The following PPP2R2B variants were observed in gnomAD, a reference collection of about 807,000 sequenced individuals.
The protein encoded by PPP2R2B is protein phosphatase 2 regulatory subunit Bbeta.
Under a neutral mutation model 46.0 loss-of-function variants are expected in PPP2R2B, and 5 were observed. The ratio of observed to expected loss-of-function variants is 0.11; its 90% CI spans 0.06 to 0.23. PPP2R2B has a LOEUF of 0.23. Among genes scored for constraint, PPP2R2B ranks in the 10% least tolerant of loss-of-function variants. The pLI is 1.00. For missense variants in PPP2R2B, 367 were observed against 575.0 expected (o/e 0.64, Z 3.70); for synonymous variants, 215 against 206.7 (o/e 1.04, Z -0.34).
intron 1 of PPP2R2B, among the ~76,000 whole-genome samples, chr5:147,023,285 G>A (rs1482309143): frequency 6.6e-6 from 1 of 152,078 alleles, no homozygotes; most frequent in Non-Finnish European, 1.5e-5. Context: ...GGTATAGCAA[G>A]GAATTCAGTA....
chr5:146,923,427 T>A lies in PPP2R2B; in HGVS notation c.79+132238A>T, dbSNP rs1018310315. 2.6e-5 allele frequency among the ~76,000 whole-genome samples: 4 copies of A among 152,186 alleles called. No individual in the cohort carries two copies. The South Asian group carries it at 8.3e-4, about 32-fold the overall frequency. On this transcript the variant is annotated intron_variant, in intron 1 of 8. Coordinates refer to the PPP2R2B transcript ENST00000336640. ...TTGACACGAGTGAACTGTGTTCGAG[T>A]TGATTCTCCCTATGGCAGTCCCAAA...
At chr5:146,713,505 G>T (rs1780320018) in intron 2 of PPP2R2B, among the ~76,000 whole-genome samples, 1 of 152,188 alleles carries the variant, frequency 6.6e-6, no homozygotes, top group Admixed American at 6.5e-5. Context: ...CTGTTGGAAG[G>T]ATACTAAGTA....
intron 2 of PPP2R2B, among the ~76,000 whole-genome samples, chr5:146,734,280 C>T (rs1458639012): frequency 6.6e-6 from 1 of 152,056 alleles, no homozygotes; most frequent in Non-Finnish European, 1.5e-5. Context: ...TGGTCTTGAA[C>T]TCCCGGGCTC....
intron 2 of PPP2R2B, among the ~76,000 whole-genome samples, chr5:146,766,624 T>C (rs531986899): frequency 8.5e-5 from 13 of 152,322 alleles, no homozygotes; most frequent in African/African-American, 2.9e-4. Context: ...GTGATTTCTA[T>C]TATTTATACT....
At chr5:146,937,130 C>T (rs1764175594) in intron 1 of PPP2R2B, among the ~76,000 whole-genome samples, 1 of 151,988 alleles carries the variant, frequency 6.6e-6, no homozygotes, top group South Asian at 2.1e-4. Context: ...GGTGAAACCC[C>T]GTCTCTACTA....
intron 2 of PPP2R2B, among the ~76,000 whole-genome samples, chr5:146,854,454 T>C (rs1760531030): frequency 6.6e-6 from 1 of 152,188 alleles, no homozygotes; most frequent in African/African-American, 2.4e-5. Context: ...CTGGCTTCTT[T>C]GAAATATGCA....
intron 2 of PPP2R2B, among the ~76,000 whole-genome samples, chr5:146,702,663 T>G (rs1000934687): frequency 6.6e-6 from 1 of 152,220 alleles, no homozygotes; most frequent in African/African-American, 2.4e-5. Context: ...TCTTAAAGTT[T>G]ATACATTGGC....
intron 2 of PPP2R2B, among the ~76,000 whole-genome samples, chr5:147,062,778 C>T (rs1469885993): frequency 6.6e-6 from 1 of 151,840 alleles, no homozygotes; most frequent in African/African-American, 2.4e-5. Flanking sequence ...TACTTCTGAC[C>T]TATTTGAAAG....
At chr5:146,637,537 C>A (rs1351506420) in intron 7 of PPP2R2B, among the ~76,000 whole-genome samples, 7 of 152,214 alleles carry the variant, frequency 4.6e-5, no homozygotes, top group Admixed American at 1.3e-4. Flanking sequence ...CAGAATTTAA[C>A]CTTTATCCTT....
chr5:146,905,906 T>C (rs1037955714), intron 1 of PPP2R2B, among the ~76,000 whole-genome samples: 1 of 152,188 alleles, frequency 6.6e-6, no homozygotes, highest in South Asian at 2.1e-4. Context: ...TTCTCTGTGC[T>C]ATCCAGTATG....
At chr5:146,682,878 T>C (rs1000820156) in intron 5 of PPP2R2B, among the ~76,000 whole-genome samples, 3 of 152,150 alleles carry the variant, frequency 2.0e-5, no homozygotes, top group African/African-American at 7.2e-5. Flanking sequence ...TTGATAATAA[T>C]GTTGTCCTCA....
At chr5:146,839,929 A>G (rs1456139430) in intron 2 of PPP2R2B, among the ~76,000 whole-genome samples, 1 of 152,230 alleles carries the variant, frequency 6.6e-6, no homozygotes, top group Admixed American at 6.5e-5. Context: ...ATGTTCTAAC[A>G]CAATTGTTCT....
chr5:146,769,708 A>G (rs1231775630), intron 2 of PPP2R2B, among the ~76,000 whole-genome samples: 1 of 152,242 alleles, frequency 6.6e-6, no homozygotes, highest in Non-Finnish European at 1.5e-5. Flanking sequence ...TTCAACATTT[A>G]TTGACATTTG....
At chr5:146,777,244 G>C (rs1035688872) in intron 2 of PPP2R2B, among the ~76,000 whole-genome samples, 2 of 151,978 alleles carry the variant, frequency 1.3e-5, no homozygotes, top group African/African-American at 4.8e-5. Context: ...ACAGAAGAAC[G>C]AATAAATAAA....
At chr5:146,707,430 TC>T in intron 2 of PPP2R2B, 1 of 771,810 alleles carries the variant, frequency 1.3e-6, no homozygotes. Context: ...CAGTGATGCC[TC>T]CCATGCCACT....
At chr5:146,747,678 T>G (rs568544231) in intron 2 of PPP2R2B, among the ~76,000 whole-genome samples, 34 of 152,324 alleles carry the variant, frequency 2.2e-4, no homozygotes, top group African/African-American at 8.2e-4. Context: ...TTCCAAGGTT[T>G]GGGAAGTGGT....
rs1192296555 is a variant in PPP2R2B, at chr5:146,912,041, C to A, written c.79+143624G>T. Among the ~76,000 whole-genome samples, 3 of 152,036 alleles carry A rather than the reference C, an allele frequency of 2.0e-5. No homozygotes were observed. The East Asian group carries it at 5.8e-4, about 29-fold the overall frequency. On this transcript the variant is annotated intron_variant, in intron 1 of 8. Transcript: ENST00000336640. ...TTGCCTGAGCTCAGGAGTTCGCGACCAGCCTGGGCAACAAGGTGAAACCCT... is the reference window on the plus strand; with the variant it reads ...TTGCCTGAGCTCAGGAGTTCGCGACAAGCCTGGGCAACAAGGTGAAACCCT...
intron 7 of PPP2R2B, among the ~76,000 whole-genome samples, chr5:146,606,413 T>G (rs1772274558): frequency 6.6e-6 from 1 of 152,132 alleles, no homozygotes; most frequent in Non-Finnish European, 1.5e-5. Flanking sequence ...GTGGCCTGGG[T>G]TGAAACTCCA....
At chr5:146,603,096 T>C (rs915981562) in intron 7 of PPP2R2B, among the ~76,000 whole-genome samples, 2 of 152,220 alleles carry the variant, frequency 1.3e-5, no homozygotes, top group Non-Finnish European at 2.9e-5. Flanking sequence ...AGCTTTAGTT[T>C]TCCCAGCTGC....
Sources: gnomAD v4.1 joint callset for allele counts (sites outside exome capture counted in the v4.1 genomes callset) on GRCh38, gnomAD v4.1.1 for gene constraint, MANE v1.5 for transcripts, NCBI Gene and HGNC (gene_info 2026-07-23, HGNC 2026-07-21) for gene names.